HPSE2: variants seen among roughly 807,000 people sequenced by gnomAD.
HPSE2 encodes heparanase 2 (inactive).
Under a neutral mutation model 60.5 loss-of-function variants are expected in HPSE2, and 38 were observed. The observed-to-expected ratio is 0.63, with a 90% CI of 0.48 to 0.82. The LOEUF is 0.82. HPSE2 is among the 40% of genes least tolerant of loss of function. The pLI is 0.00. For missense variants in HPSE2, 713 were observed against 740.4 expected (o/e 0.96, Z 0.43); for synonymous variants, 295 against 293.2 (o/e 1.01, Z -0.06).
intron 2 of HPSE2, among the ~76,000 whole-genome samples, chr10:99,185,793 A>T (rs1847984348): frequency 6.6e-6 from 1 of 151,508 alleles, no homozygotes; most frequent in African/African-American, 2.4e-5. Flanking sequence ...GAAAAAGAAA[A>T]AGAAAAGAAA....
intron 2 of HPSE2, among the ~76,000 whole-genome samples, chr10:99,213,482 A>C (rs1849017204): frequency 6.6e-6 from 1 of 152,128 alleles, no homozygotes; most frequent in Admixed American, 6.6e-5. Context: ...ATTTGGCAAA[A>C]AAAACAAAAA....
chr10:98,631,142 T>C (rs957705234), intron 7 of HPSE2, among the ~76,000 whole-genome samples: 2 of 152,206 alleles, frequency 1.3e-5, no homozygotes, highest in African/African-American at 2.4e-5. Context: ...CCATTTTCTT[T>C]TGGTATCAGA....
At chr10:98,960,836 C>G (rs1357261064) in intron 3 of HPSE2, among the ~76,000 whole-genome samples, 1 of 145,632 alleles carries the variant, frequency 6.9e-6, no homozygotes, top group East Asian at 2.1e-4. Flanking sequence ...TGCGCTGCAC[C>G]CACTAATGAG....
chr10:98,512,812 A>AACACACCCACACACACACACACACAC (rs1942458641), intron 9 of HPSE2, among the ~76,000 whole-genome samples: 1 of 124,546 alleles, frequency 8.0e-6, no homozygotes, highest in Non-Finnish European at 1.7e-5. Flanking sequence ...CCCACCCCCC[A>AACACACCCACACACACACACACACAC]ACACACACAC....
At chr10:99,013,998 T>C (rs1434146851) in intron 3 of HPSE2, 6 of 344,834 alleles carry the variant, frequency 1.7e-5, no homozygotes, top group African/African-American at 1.3e-4. Flanking sequence ...CCGCCTGGCC[T>C]CCCTGGCTCA....
intron 3 of HPSE2, among the ~76,000 whole-genome samples, chr10:98,872,104 GT>G (rs1952748603): frequency 6.6e-6 from 1 of 151,880 alleles, no homozygotes; most frequent in African/African-American, 2.4e-5. Flanking sequence ...TGTGAGGTCC[GT>G]TACTATATGG....
chr10:98,923,629 G>C (rs75757927), intron 3 of HPSE2, among the ~76,000 whole-genome samples: 1 of 151,418 alleles, frequency 6.6e-6, no homozygotes, highest in African/African-American at 2.4e-5. Flanking sequence ...TTTTCAAATA[G>C]CCTGTCTCTA....
chr10:98,614,574 GA>G (rs1945849592), intron 9 of HPSE2, among the ~76,000 whole-genome samples: 1 of 152,114 alleles, frequency 6.6e-6, no homozygotes, highest in Non-Finnish European at 1.5e-5. Context: ...TTACAGGCGT[GA>G]GCCACCGTGC....
chr10:98,951,119 T>G (rs1161362272), intron 3 of HPSE2, among the ~76,000 whole-genome samples: 2 of 152,170 alleles, frequency 1.3e-5, no homozygotes, highest in Non-Finnish European at 2.9e-5. Flanking sequence ...AGGAAGAAGA[T>G]GAAAGAGCCA....
chr10:99,139,775 G>A (rs577851521), intron 3 of HPSE2, among the ~76,000 whole-genome samples: 1 of 152,228 alleles, frequency 6.6e-6, no homozygotes, highest in South Asian at 2.1e-4. Context: ...ATTAGTGTCA[G>A]GAGACAAGGA....
At chr10:99,306,498 C>G in the HPSE2 span, among the ~76,000 whole-genome samples, 1 of 38,798 alleles carries the variant, frequency 2.6e-5, no homozygotes, top group African/African-American at 1.8e-4. Context: ...CCTGTTACCC[C>G]CCAAAAAAAC....
intron 3 of HPSE2, among the ~76,000 whole-genome samples, chr10:98,852,497 A>G (rs1952205586): frequency 6.6e-6 from 1 of 152,152 alleles, no homozygotes; most frequent in African/African-American, 2.4e-5. Context: ...GCATCACTGT[A>G]CCTGGCTTAA....
intron 3 of HPSE2, among the ~76,000 whole-genome samples, chr10:99,007,460 T>C (rs965905747): frequency 1.3e-5 from 2 of 152,192 alleles, no homozygotes; most frequent in Admixed American, 6.5e-5. Context: ...CCCCTTCTTA[T>C]TTCTGTGCTA....
intron 6 of HPSE2, among the ~76,000 whole-genome samples, chr10:98,658,171 C>T (rs982145595): frequency 5.9e-5 from 9 of 152,074 alleles, no homozygotes; most frequent in African/African-American, 1.9e-4. Flanking sequence ...GAAGGACTAT[C>T]GCCATGCCCG....
intron 3 of HPSE2, among the ~76,000 whole-genome samples, chr10:98,988,443 T>G (rs1299742414): frequency 3.1e-3 from 472 of 150,812 alleles, no homozygotes; most frequent in African/African-American, 6.9e-3. Context: ...GCTAGCCATA[T>G]GTAGAAAGCT....
intron 3 of HPSE2, among the ~76,000 whole-genome samples, chr10:98,776,403 C>T (rs867543152): frequency 5.3e-5 from 8 of 152,060 alleles, no homozygotes; most frequent in African/African-American, 1.4e-4. Flanking sequence ...GCCGAGATCA[C>T]GCCATTGTAC....
chr10:98,942,524 C>T (rs1378251764), intron 3 of HPSE2, among the ~76,000 whole-genome samples: 1 of 151,756 alleles, frequency 6.6e-6, no homozygotes. Context: ...ATCAAAACCA[C>T]AATGAGATAC....
At chr10:99,084,555 G>C (rs907017483) in intron 3 of HPSE2, among the ~76,000 whole-genome samples, 1 of 152,066 alleles carries the variant, frequency 6.6e-6, no homozygotes, top group Non-Finnish European at 1.5e-5. Context: ...TGCAAACAAC[G>C]CCACAGTGAG....
At chr10:98,613,391 C>T (rs948420660) in intron 9 of HPSE2, among the ~76,000 whole-genome samples, 28 of 152,154 alleles carry the variant, frequency 1.8e-4, no homozygotes, top group Non-Finnish European at 2.6e-4. Context: ...TACACTAGTC[C>T]GGCAAATGTA....
Sources: gnomAD v4.1 joint callset for allele counts (sites outside exome capture counted in the v4.1 genomes callset) on GRCh38, gnomAD v4.1.1 for gene constraint, MANE v1.5 for transcripts, NCBI Gene and HGNC (gene_info 2026-07-23, HGNC 2026-07-21) for gene names.